The following POC1B variants were observed in gnomAD, a reference collection of about 807,000 sequenced individuals.
POC1B encodes POC1 centriolar protein B, also known as POC1 centriolar protein homolog B.
Under a neutral mutation model 60.6 loss-of-function variants are expected in POC1B, and 44 were observed. That is an observed-to-expected ratio of 0.73 (90% CI 0.57 to 0.93). POC1B has a LOEUF of 0.93. POC1B is among the 40% of genes least tolerant of loss of function. The probability of loss-of-function intolerance (pLI) is 0.00; values close to 1 mark genes in which losing one functional copy is unlikely to be tolerated. For missense variants in POC1B, 555 were observed against 572.3 expected (o/e 0.97, Z 0.31); for synonymous variants, 180 against 198.9 (o/e 0.90, Z 0.80).
intron 4 of POC1B, among the ~76,000 whole-genome samples, chr12:89,476,351 C>A (rs2135723071): frequency 1.3e-5 from 2 of 152,198 alleles, no homozygotes; most frequent in Middle Eastern, 6.8e-3. Flanking sequence ...TGTCTATATT[C>A]ATAGTCATAG....
At chr12:89,452,104 G>C (rs1297052633) in intron 10 of POC1B, among the ~76,000 whole-genome samples, 3 of 152,166 alleles carry the variant, frequency 2.0e-5, no homozygotes, top group African/African-American at 7.2e-5. Context: ...CACAGGAAGA[G>C]GAAGGAACCA....
the POC1B span, among the ~76,000 whole-genome samples, chr12:89,412,915 CT>C: frequency 6.6e-6 from 1 of 150,750 alleles, no homozygotes. Context: ...TCCCTCCCTT[CT>C]TTGTCTCACT....
chr12:89,504,418 A>T (rs903974525), intron 2 of POC1B, among the ~76,000 whole-genome samples: 8 of 152,154 alleles, frequency 5.3e-5, no homozygotes, highest in African/African-American at 1.9e-4. Flanking sequence ...ATGCTCCTTA[A>T]GAGTCATCAC....
intron 2 of POC1B, chr12:89,523,436 G>A (rs1871105079): frequency 5.6e-6 from 9 of 1,614,002 alleles, no homozygotes; most frequent in African/African-American, 1.3e-5. Flanking sequence ...AAATTGGGGC[G>A]AGCATATGGT....
chr12:89,414,080 A>G, the POC1B span, among the ~76,000 whole-genome samples: 1 of 151,972 alleles, frequency 6.6e-6, no homozygotes, highest in Non-Finnish European at 1.5e-5. Context: ...TTTAGTAGAG[A>G]TGGGGTTTCA....
chr12:89,414,290 G>C, the POC1B span, among the ~76,000 whole-genome samples: 204 of 152,276 alleles, frequency 1.3e-3, no homozygotes, highest in African/African-American at 4.7e-3. Flanking sequence ...ATTTTATAAT[G>C]AGAAGAATCT....
chr12:89,445,707 C>A (rs1024010254), intron 10 of POC1B, among the ~76,000 whole-genome samples: 6 of 152,178 alleles, frequency 3.9e-5, no homozygotes, highest in African/African-American at 1.2e-4. Flanking sequence ...GCAAGGACTT[C>A]ATGTCTAAAA....
chr12:89,446,525 T>G (rs1460550025), intron 10 of POC1B, among the ~76,000 whole-genome samples: 1 of 152,134 alleles, frequency 6.6e-6, no homozygotes, highest in Non-Finnish European at 1.5e-5. Flanking sequence ...CACCGCATGT[T>G]CTCACTCATA....
At chr12:89,477,340 G>A (rs1187594958) in intron 4 of POC1B, among the ~76,000 whole-genome samples, 1 of 152,184 alleles carries the variant, frequency 6.6e-6, no homozygotes, top group Non-Finnish European at 1.5e-5. Context: ...TGAAAAATAT[G>A]TAAAAAGATG....
chr12:89,506,007 C>T (rs1869877895), intron 2 of POC1B, among the ~76,000 whole-genome samples: 1 of 152,100 alleles, frequency 6.6e-6, no homozygotes, highest in Admixed American at 6.5e-5. Context: ...GTTTTAGTGC[C>T]ATTTAATGAG....
chr12:89,451,606 C>G (rs1882043327), intron 10 of POC1B, among the ~76,000 whole-genome samples: 1 of 152,084 alleles, frequency 6.6e-6, no homozygotes, highest in African/African-American at 2.4e-5. Flanking sequence ...TAGGCCGGGA[C>G]CAGCACTGGG....
At chr12:89,525,072 C>A in intron 2 of POC1B, 48 bp downstream of exon 2, 3 of 1,612,180 alleles carry the variant, frequency 1.9e-6, no homozygotes, top group Non-Finnish European at 1.7e-6. Flanking sequence ...GGTTTCCGGC[C>A]CATGGAGTTT....
intron 2 of POC1B, among the ~76,000 whole-genome samples, chr12:89,511,619 C>T (rs1592640043): frequency 6.6e-6 from 1 of 152,120 alleles, no homozygotes; most frequent in Non-Finnish European, 1.5e-5. Flanking sequence ...CAGGTTCATG[C>T]TTGCCTTTGG....
Position 89,459,631 on chromosome 12 carries a change from G to GAA in POC1B, c.1113+6_1113+7insTT, listed in dbSNP as rs1565734490. On this transcript the variant is annotated splice_region_variant and intron_variant, in intron 10 of 11. Transcript: ENST00000313546. The stretch of plus-strand genomic sequence containing the variant: ...GTGTCAAAAAAAAAAAAAAAAACCC[G>GAA]ACTTACTGTGGTAGAATCAAAAGAA... The GAA allele has an allele frequency of 7.6e-7, 1 of 1,314,060 alleles. No individual in the cohort carries two copies. 81.4% of individuals were successfully genotyped at this position (1,314,060 alleles called of 1,614,324 possible). A position where few individuals can be genotyped will look rare whatever the true frequency, so the allele number is the denominator to read the frequency against.
chr12:89,448,764 A>G (rs564677805), intron 10 of POC1B, among the ~76,000 whole-genome samples: 1 of 152,248 alleles, frequency 6.6e-6, no homozygotes, highest in Admixed American at 6.5e-5. Flanking sequence ...AGTGTGTCTT[A>G]AACACAATTC....
chr12:89,447,625 A>C (rs912492463), intron 10 of POC1B, among the ~76,000 whole-genome samples: 1 of 152,136 alleles, frequency 6.6e-6, no homozygotes, highest in African/African-American at 2.4e-5. Flanking sequence ...TTGAAATTTC[A>C]TTAAATTGCT....
chr12:89,503,057 CA>C (rs1326962900), intron 2 of POC1B, among the ~76,000 whole-genome samples: 2 of 148,082 alleles, frequency 1.4e-5, no homozygotes, highest in African/African-American at 5.0e-5. Context: ...AAAAATTATT[CA>C]TTTTTGTGAA....
At position 89,471,606 on chromosome 12, in the gene POC1B, ATTG is replaced by A. The variant is rs1472059735; in HGVS notation, c.676+5_676+7del. The A allele has an allele frequency of 3.8e-6, 6 of 1,591,476 alleles. No homozygotes were observed. The highest frequency in any genetic ancestry group is 5.2e-6 in the Non-Finnish European group (6 of 1,162,386). On this transcript the variant is annotated splice_donor_5th_base_variant and intron_variant, in intron 6 of 11. Transcript: ENST00000313546. ...GGTAACTGAATTTTTTGTTAGGAAA[ATTG>A]TTACCTTGGTAATGCTGTAGTAATT...
At chr12:89,512,831 G>A (rs1870252042) in intron 2 of POC1B, among the ~76,000 whole-genome samples, 1 of 152,176 alleles carries the variant, frequency 6.6e-6, no homozygotes, top group African/African-American at 2.4e-5. Flanking sequence ...GGCTTAGTGA[G>A]GTTAGGTAAC....
Sources: gnomAD v4.1 joint callset for allele counts (sites outside exome capture counted in the v4.1 genomes callset) on GRCh38, gnomAD v4.1.1 for gene constraint, MANE v1.5 for transcripts, NCBI Gene and HGNC (gene_info 2026-07-23, HGNC 2026-07-21) for gene names.